HECW2: variants seen among roughly 807,000 people sequenced by gnomAD.
HECW2 encodes HECT, C2 and WW domain containing E3 ubiquitin protein ligase 2, also known as E3 ubiquitin-protein ligase HECW2.
HECW2 carries 61 observed loss-of-function variants against 175.2 expected under a neutral mutation model. The ratio of observed to expected loss-of-function variants is 0.35; its 90% CI spans 0.28 to 0.43. The LOEUF is 0.43. Ranked by LOEUF, HECW2 falls within the 20% of genes least tolerant of loss-of-function variation. The pLI is 1.00. For synonymous variants in HECW2, 671 were observed against 731.0 expected (o/e 0.92, Z 1.32); for missense variants, 1,524 against 2,000.5 (o/e 0.76, Z 4.54).
intron 2 of HECW2, among the ~76,000 whole-genome samples, chr2:196,356,805 AT>A (rs1174207921): frequency 6.6e-6 from 1 of 152,214 alleles, no homozygotes; most frequent in Non-Finnish European, 1.5e-5. Context: ...ACTGTGCCTA[AT>A]TTATAAAGTA....
intron 7 of HECW2, among the ~76,000 whole-genome samples, chr2:196,321,793 G>T (rs13382272): frequency 0.042 from 6,442 of 152,136 alleles, 488 homozygotes; most frequent in African/African-American, 0.15. Flanking sequence ...AAGATACAAT[G>T]TTTCTTCTAT....
At chr2:196,329,718 C>A in intron 4 of HECW2, 68 bp from the exon 5 acceptor site, 1 of 1,232,608 alleles carries the variant, frequency 8.1e-7, no homozygotes, top group South Asian at 1.2e-5. Flanking sequence ...ACTAGGAAAC[C>A]ATGTATGTTC....
chr2:196,570,381 C>T (rs1441141008), intron 1 of HECW2, among the ~76,000 whole-genome samples: 4 of 152,212 alleles, frequency 2.6e-5, no homozygotes, highest in Non-Finnish European at 5.9e-5. Flanking sequence ...ATCAAGCTTG[C>T]AAACTTATCT....
chr2:196,363,878 T>C (rs144602948), intron 2 of HECW2, among the ~76,000 whole-genome samples: 53 of 152,212 alleles, frequency 3.5e-4, no homozygotes, highest in African/African-American at 1.3e-3. Context: ...AAAGAATAAA[T>C]ATATTTCCTC....
rs138604642 is a variant in HECW2, at chr2:196,549,328, G to A, written c.-36+44180C>T. ...CCCTCCTCCAGGAGGTCTCACTATC[G>A]TTACTTTAAGGAAAATGACTTCTTT... On this transcript the variant is annotated intron_variant, in intron 1 of 28. Coordinates refer to ENST00000644978, the MANE Select transcript of HECW2 (RefSeq NM_001348768.2). Among the ~76,000 whole-genome samples, 5 of 152,188 alleles carry A rather than the reference G, an allele frequency of 3.3e-5. No individual in the cohort carries two copies. In the East Asian group the frequency reaches 5.8e-4, roughly 18 times the overall value.
At chr2:196,519,470 CCTT>C (rs1463236690) in intron 1 of HECW2, among the ~76,000 whole-genome samples, 2 of 152,180 alleles carry the variant, frequency 1.3e-5, no homozygotes, top group African/African-American at 4.8e-5. Flanking sequence ...AAAATGCACA[CCTT>C]CTTATTTCTT....
chr2:196,570,819 A>G (rs1011406393), intron 1 of HECW2, among the ~76,000 whole-genome samples: 21 of 152,204 alleles, frequency 1.4e-4, no homozygotes, highest in African/African-American at 5.1e-4. Context: ...ATGGGACAAT[A>G]ACCAGCAATA....
At chr2:196,574,410 A>G (rs569219876) in intron 1 of HECW2, among the ~76,000 whole-genome samples, 228 of 152,258 alleles carry the variant, frequency 1.5e-3, no homozygotes, top group Non-Finnish European at 2.6e-3. Flanking sequence ...AGTGTGGGCG[A>G]TAGAGTGAGA....
chr2:196,547,403 G>GC (rs1689460643), intron 1 of HECW2, among the ~76,000 whole-genome samples: 1 of 152,176 alleles, frequency 6.6e-6, no homozygotes, highest in African/African-American at 2.4e-5. Context: ...CTTTATATTT[G>GC]CCCCAAGTGA....
intron 16 of HECW2, 60 bp downstream of exon 16, chr2:196,273,961 T>C (rs1470086120): frequency 1.3e-5 from 16 of 1,222,112 alleles, no homozygotes; most frequent in Non-Finnish European, 1.9e-5. Flanking sequence ...ATCAGCACAG[T>C]GTACATGGTA....
rs1377313211 is a variant in HECW2, at chr2:196,251,714, TC to T, written c.3529+2205del. Reference sequence around the variant, plus strand: ...CATATCCCTTCAATTTGTTCCCTGGTCCCCATCTCCACTGCCTAGTCCAGTC... The same window carrying T: ...CATATCCCTTCAATTTGTTCCCTGGTCCCATCTCCACTGCCTAGTCCAGTC... On this transcript the variant is annotated intron_variant, in intron 19 of 28. Transcript: ENST00000644978. 3.9e-5 allele frequency among the ~76,000 whole-genome samples: 6 copies of T among 152,264 alleles called. No homozygotes were observed. In the South Asian group the frequency reaches 1.2e-3, roughly 32 times the overall value.
intron 1 of HECW2, among the ~76,000 whole-genome samples, chr2:196,462,685 T>TC (rs1163445364): frequency 2.7e-5 from 4 of 149,090 alleles, no homozygotes; most frequent in Non-Finnish European, 5.9e-5. Context: ...CACCCACCCC[T>TC]CCCCCCGAAA....
chr2:196,386,352 T>C (rs1215263567), intron 2 of HECW2, among the ~76,000 whole-genome samples: 1 of 152,072 alleles, frequency 6.6e-6, no homozygotes, highest in Non-Finnish European at 1.5e-5. Context: ...AAGGGGATGT[T>C]TGAGCAAAGA....
intron 28 of HECW2, among the ~76,000 whole-genome samples, chr2:196,210,041 G>GC (rs1169615970): frequency 6.6e-6 from 1 of 152,198 alleles, no homozygotes; most frequent in Non-Finnish European, 1.5e-5. Context: ...GGGATTACAG[G>GC]CGTGAGCCAC....
At chr2:196,330,617 C>A (rs1435675827) in intron 4 of HECW2, among the ~76,000 whole-genome samples, 1 of 152,146 alleles carries the variant, frequency 6.6e-6, no homozygotes, top group Non-Finnish European at 1.5e-5. Context: ...TCAATCCCCA[C>A]CCTCAATATG....
intron 2 of HECW2, among the ~76,000 whole-genome samples, chr2:196,371,932 C>T (rs1353457438): frequency 2.0e-5 from 3 of 152,206 alleles, no homozygotes; most frequent in Non-Finnish European, 4.4e-5. Flanking sequence ...TTTAGAATAA[C>T]ATTTTAGTAA....
chr2:196,590,202 G>A (rs963136166), intron 1 of HECW2, among the ~76,000 whole-genome samples: 1 of 152,122 alleles, frequency 6.6e-6, no homozygotes, highest in Non-Finnish European at 1.5e-5. Context: ...GGGTGCTTTT[G>A]ATAATTAAGA....
intron 28 of HECW2, among the ~76,000 whole-genome samples, chr2:196,213,084 A>G (rs1687347991): frequency 1.3e-5 from 2 of 152,218 alleles, no homozygotes; most frequent in Admixed American, 1.3e-4. Flanking sequence ...CCAATTTTAC[A>G]GATCTTTTTT....
chr2:196,376,450 G>A (rs888991368), intron 2 of HECW2, among the ~76,000 whole-genome samples: 8 of 151,864 alleles, frequency 5.3e-5, no homozygotes, highest in East Asian at 1.9e-4. Context: ...CCAACATGAC[G>A]AAACCCCATC....
Sources: allele counts gnomAD v4.1 joint callset (sites outside exome capture counted in the v4.1 genomes callset), GRCh38; gene constraint gnomAD v4.1.1; transcripts MANE v1.5; gene names NCBI Gene and HGNC (gene_info 2026-07-23, HGNC 2026-07-21).